NRXN3: variants seen among roughly 807,000 people sequenced by gnomAD.
NRXN3 encodes neurexin 3.
A neutral mutation model predicts 137.6 loss-of-function variants in NRXN3; 32 were observed. The ratio of observed to expected loss-of-function variants is 0.23; its 90% CI spans 0.18 to 0.31. The LOEUF (loss-of-function observed/expected upper bound fraction) is 0.31, where lower values mean the gene tolerates loss of function less well. Among genes scored for constraint, NRXN3 ranks in the 10% least tolerant of loss-of-function variants. The pLI, the probability that NRXN3 is intolerant of heterozygous loss-of-function variation, is 1.00. For missense variants in NRXN3, 1,574 were observed against 2,062.5 expected (o/e 0.76, Z 4.59); for synonymous variants, 798 against 784.5 (o/e 1.02, Z -0.29).
chr14:79,685,997 T>A (rs561849881), intron 17 of NRXN3, among the ~76,000 whole-genome samples: 1 of 152,200 alleles, frequency 6.6e-6, no homozygotes, highest in East Asian at 1.9e-4. Flanking sequence ...GCCTATAAGA[T>A]ATTTGGACAT....
chr14:79,022,171 A>T (rs1318550326), intron 15 of NRXN3, among the ~76,000 whole-genome samples: 1 of 152,184 alleles, frequency 6.6e-6, no homozygotes, highest in Non-Finnish European at 1.5e-5. Flanking sequence ...TTCCAGCTAA[A>T]CAATTGTTTA....
At chr14:79,396,864 C>T (rs1028029081) in intron 15 of NRXN3, among the ~76,000 whole-genome samples, 3 of 152,112 alleles carry the variant, frequency 2.0e-5, no homozygotes, top group Non-Finnish European at 4.4e-5. Context: ...AGAAAATAGC[C>T]ACTTTCATAC....
intron 4 of NRXN3, among the ~76,000 whole-genome samples, chr14:78,457,749 G>T (rs1450917122): frequency 1.3e-5 from 2 of 152,138 alleles, no homozygotes; most frequent in African/African-American, 4.8e-5. Flanking sequence ...CTGTATATGT[G>T]CATACACACG....
intron 8 of NRXN3, among the ~76,000 whole-genome samples, chr14:78,754,669 C>A (rs2098659418): frequency 6.6e-6 from 1 of 152,190 alleles, no homozygotes; most frequent in African/African-American, 2.4e-5. Context: ...CCAGTGGCAT[C>A]AGTATCACCT....
chr14:79,678,349 A>G (rs1269092549), intron 17 of NRXN3, among the ~76,000 whole-genome samples: 1 of 152,144 alleles, frequency 6.6e-6, no homozygotes, highest in African/African-American at 2.4e-5. Flanking sequence ...TCTCCTCTAA[A>G]AGTATTCATT....
At chr14:78,921,288 G>T (rs150548953) in intron 10 of NRXN3, among the ~76,000 whole-genome samples, 184 of 152,356 alleles carry the variant, frequency 1.2e-3, no homozygotes, top group Middle Eastern at 3.4e-3. Context: ...GGGGGATACA[G>T]TGGTTAATGG....
At chr14:78,344,574 A>G (rs2082500128) in intron 4 of NRXN3, among the ~76,000 whole-genome samples, 1 of 152,196 alleles carries the variant, frequency 6.6e-6, no homozygotes, top group Non-Finnish European at 1.5e-5. Flanking sequence ...ACTGGCATTC[A>G]GGATGGGGGA....
At chr14:78,677,575 C>A (rs1316454557) in intron 6 of NRXN3, among the ~76,000 whole-genome samples, 1 of 152,114 alleles carries the variant, frequency 6.6e-6, no homozygotes, top group Non-Finnish European at 1.5e-5. Context: ...GGTAAAGATG[C>A]TGTGGACAAT....
At chr14:79,287,950 A>C (rs770699656) in intron 15 of NRXN3, among the ~76,000 whole-genome samples, 1 of 152,158 alleles carries the variant, frequency 6.6e-6, no homozygotes, top group East Asian at 1.9e-4. Flanking sequence ...CATTTGTACA[A>C]TGAGAGATTT....
intron 15 of NRXN3, among the ~76,000 whole-genome samples, chr14:79,406,558 C>T (rs537674084): frequency 5.3e-5 from 8 of 152,152 alleles, no homozygotes; most frequent in Admixed American, 5.2e-4. Context: ...CCTCCTCGGC[C>T]TCTTAAAGTG....
At chr14:79,785,677 G>T (rs747979497) in intron 19 of NRXN3, among the ~76,000 whole-genome samples, 2 of 151,936 alleles carry the variant, frequency 1.3e-5, no homozygotes, top group African/African-American at 4.8e-5. Context: ...GCTTCTTGAG[G>T]ATTTGGGCCA....
At chr14:78,734,880 C>G (rs1246724943) in intron 8 of NRXN3, among the ~76,000 whole-genome samples, 1 of 152,154 alleles carries the variant, frequency 6.6e-6, no homozygotes, top group Non-Finnish European at 1.5e-5. Flanking sequence ...ATGTCATCAC[C>G]TACTGGTAGA....
intron 4 of NRXN3, among the ~76,000 whole-genome samples, chr14:78,465,178 C>T (rs1304874282): frequency 6.6e-6 from 1 of 151,856 alleles, no homozygotes; most frequent in Non-Finnish European, 1.5e-5. Flanking sequence ...TATCTCAATT[C>T]TATTTCTAAA....
chr14:78,329,647 T>G (rs575004715), intron 4 of NRXN3, among the ~76,000 whole-genome samples: 2 of 152,272 alleles, frequency 1.3e-5, no homozygotes, highest in Admixed American at 1.3e-4. Flanking sequence ...ACTGACAGTT[T>G]TGTGCATTAG....
intron 4 of NRXN3, among the ~76,000 whole-genome samples, chr14:78,374,049 TG>T (rs1233979438): frequency 6.6e-6 from 1 of 152,202 alleles, no homozygotes; most frequent in Non-Finnish European, 1.5e-5. Flanking sequence ...GGCATAAAAG[TG>T]GGGTTCTAAA....
chr14:79,302,198 A>T (rs180833504), intron 15 of NRXN3, among the ~76,000 whole-genome samples: 1 of 152,048 alleles, frequency 6.6e-6, no homozygotes, highest in African/African-American at 2.4e-5. Context: ...CATATATTAC[A>T]GTGTTTGTAA....
At chr14:78,459,657 A>G (rs940822530) in intron 4 of NRXN3, among the ~76,000 whole-genome samples, 3 of 152,184 alleles carry the variant, frequency 2.0e-5, no homozygotes, top group African/African-American at 7.2e-5. Flanking sequence ...GAGTGGGATG[A>G]TGGTGAGATT....
chr14:79,275,457 G>T (rs2080131313), intron 15 of NRXN3, among the ~76,000 whole-genome samples: 1 of 152,146 alleles, frequency 6.6e-6, no homozygotes, highest in Non-Finnish European at 1.5e-5. Flanking sequence ...GCTCCTGCTG[G>T]CAGCAAAGTG....
At chr14:79,074,262 C>T (rs111662691) in intron 15 of NRXN3, among the ~76,000 whole-genome samples, 26 of 152,070 alleles carry the variant, frequency 1.7e-4, no homozygotes, top group African/African-American at 6.0e-4. Context: ...AAATATTTGC[C>T]CAATGTATTT....
Sources: allele counts gnomAD v4.1 joint callset (sites outside exome capture counted in the v4.1 genomes callset), GRCh38; gene constraint gnomAD v4.1.1; transcripts MANE v1.5; gene names NCBI Gene and HGNC (gene_info 2026-07-23, HGNC 2026-07-21).